CCSER1: variants seen among roughly 807,000 people sequenced by gnomAD.
CCSER1 encodes the protein serine-rich coiled-coil domain-containing protein 1.
Under a neutral mutation model 82.0 loss-of-function variants are expected in CCSER1, and 41 were observed. That is an observed-to-expected ratio of 0.50 (90% CI 0.39 to 0.65). CCSER1 has a LOEUF of 0.65. CCSER1 is among the 30% of genes least tolerant of loss of function. The pLI is 0.00. For missense variants in CCSER1, 1,119 were observed against 1,064.2 expected, an observed-to-expected ratio of 1.05 and a Z score of -0.72; for synonymous variants, 414 against 383.9, an observed-to-expected ratio of 1.08 and a Z score of -0.92.
At chr4:90,592,149 G>T (rs1396163468) in intron 5 of CCSER1, among the ~76,000 whole-genome samples, 1 of 151,988 alleles carries the variant, frequency 6.6e-6, no homozygotes, top group Non-Finnish European at 1.5e-5. Context: ...ATGTATGGCT[G>T]CATAAAAAAC....
chr4:91,348,368 G>A lies in CCSER1; in HGVS notation c.2218-250204G>A, dbSNP rs1217971267. On this transcript the variant is annotated intron_variant, in intron 10 of 10. Coordinates refer to ENST00000509176, the MANE Select transcript of CCSER1 (RefSeq NM_001145065.2). ...TGTATAATTCTTTATATACATTGTT[G>A]GATTTAATGTGCTTTCTTTTAGGAT... Among the ~76,000 whole-genome samples, 4 of 152,050 alleles carry A rather than the reference G, an allele frequency of 2.6e-5. No homozygotes were observed. The East Asian group carries it at 7.7e-4, about 29-fold the overall frequency.
chr4:91,255,575 A>G (rs952400787), intron 10 of CCSER1, among the ~76,000 whole-genome samples: 2 of 152,324 alleles, frequency 1.3e-5, no homozygotes, highest in East Asian at 1.9e-4. Context: ...TATTAGAACA[A>G]TACTACACCA....
At chr4:90,878,699 C>T (rs943498163) in intron 8 of CCSER1, among the ~76,000 whole-genome samples, 2 of 152,174 alleles carry the variant, frequency 1.3e-5, no homozygotes, top group African/African-American at 4.8e-5. Flanking sequence ...AATCTTTCCT[C>T]AATGGAGATG....
intron 4 of CCSER1, among the ~76,000 whole-genome samples, chr4:90,448,330 T>C (rs1342645439): frequency 6.6e-6 from 1 of 151,194 alleles, no homozygotes; most frequent in African/African-American, 2.4e-5. Context: ...GTACTTGCTA[T>C]AGCAAAACTG....
At chr4:91,337,092 C>T (rs1212164189) in intron 10 of CCSER1, among the ~76,000 whole-genome samples, 1 of 151,966 alleles carries the variant, frequency 6.6e-6, no homozygotes, top group Non-Finnish European at 1.5e-5. Flanking sequence ...TTAGTTTATC[C>T]AACAGCTGCT....
chr4:91,466,312 G>A (rs1209735906), intron 10 of CCSER1, among the ~76,000 whole-genome samples: 2 of 152,120 alleles, frequency 1.3e-5, no homozygotes, highest in African/African-American at 2.4e-5. Context: ...AGCCCTTCAT[G>A]CTAAAAACTC....
chr4:91,024,304 C>CT (rs1441756537), intron 9 of CCSER1, among the ~76,000 whole-genome samples: 2 of 151,964 alleles, frequency 1.3e-5, no homozygotes, highest in Admixed American at 6.6e-5. Context: ...TAATAAAATC[C>CT]TTTTATGTCT....
At chr4:91,473,269 G>A (rs1036268891) in intron 10 of CCSER1, among the ~76,000 whole-genome samples, 1 of 152,136 alleles carries the variant, frequency 6.6e-6, no homozygotes, top group Non-Finnish European at 1.5e-5. Flanking sequence ...TTTTCATTGT[G>A]GAAGCTTCTG....
At chr4:91,391,034 T>C (rs1751612678) in intron 10 of CCSER1, among the ~76,000 whole-genome samples, 1 of 152,086 alleles carries the variant, frequency 6.6e-6, no homozygotes, top group Non-Finnish European at 1.5e-5. Flanking sequence ...CTTTTGGCTT[T>C]GTTGATTTTC....
Position 91,441,799 on chromosome 4 carries a change from A to C in CCSER1, c.2218-156773A>C, listed in dbSNP as rs554396131. Among the ~76,000 whole-genome samples, 7 of 152,152 alleles carry C rather than the reference A, an allele frequency of 4.6e-5. No individual in the cohort carries two copies. In the South Asian group the frequency reaches 6.3e-4, roughly 14 times the overall value. ...CTCAGGATACAAAATCAATGTGCAAAAATCACAAGCATTCTTATACACCAA... is the reference window on the plus strand; with the variant it reads ...CTCAGGATACAAAATCAATGTGCAACAATCACAAGCATTCTTATACACCAA... On this transcript the variant is annotated intron_variant, in intron 10 of 10. Transcript: ENST00000509176.
At chr4:90,457,104 C>T (rs529712340) in intron 4 of CCSER1, among the ~76,000 whole-genome samples, 50 of 152,300 alleles carry the variant, frequency 3.3e-4, no homozygotes, top group African/African-American at 1.1e-3. Flanking sequence ...CTGGGGCTGG[C>T]GGGCTGCTCC....
intron 10 of CCSER1, among the ~76,000 whole-genome samples, chr4:91,510,918 A>G (rs1759785035): frequency 1.3e-5 from 2 of 152,278 alleles, no homozygotes; most frequent in South Asian, 2.1e-4. Flanking sequence ...AATTTCCAGA[A>G]TGGTGTGTTC....
At chr4:90,154,917 T>C (rs1241661658) in intron 1 of CCSER1, among the ~76,000 whole-genome samples, 41 of 152,234 alleles carry the variant, frequency 2.7e-4, no homozygotes, top group Admixed American at 2.4e-3. Flanking sequence ...CAACACTATG[T>C]TGAATAGGAG....
At chr4:90,601,006 G>A (rs1246954332) in intron 5 of CCSER1, among the ~76,000 whole-genome samples, 2 of 151,640 alleles carry the variant, frequency 1.3e-5, no homozygotes, top group African/African-American at 4.8e-5. Context: ...TGAATACAAT[G>A]GAGTTTTGAA....
At chr4:91,460,529 G>C (rs1274562902) in intron 10 of CCSER1, among the ~76,000 whole-genome samples, 2 of 152,140 alleles carry the variant, frequency 1.3e-5, no homozygotes, top group African/African-American at 4.8e-5. Flanking sequence ...GTATCTACCA[G>C]CTAGAGTCTA....
At chr4:91,389,750 A>G (rs907182843) in intron 10 of CCSER1, among the ~76,000 whole-genome samples, 16 of 151,918 alleles carry the variant, frequency 1.1e-4, no homozygotes, top group Non-Finnish European at 1.0e-4. Context: ...TCTTTGATCT[A>G]TTTCTCAAAG....
At chr4:90,988,154 A>G (rs1360966735) in intron 9 of CCSER1, among the ~76,000 whole-genome samples, 1 of 151,272 alleles carries the variant, frequency 6.6e-6, no homozygotes, top group East Asian at 2.0e-4. Context: ...CCATCTCTAC[A>G]AAAACTAAAA....
At chr4:90,150,050 G>A (rs1459822555) in intron 1 of CCSER1, among the ~76,000 whole-genome samples, 1 of 152,100 alleles carries the variant, frequency 6.6e-6, no homozygotes, top group East Asian at 1.9e-4. Flanking sequence ...GCAATAAGTA[G>A]GGTTGGCCCT....
chr4:90,739,284 G>A (rs1157309036), intron 7 of CCSER1, among the ~76,000 whole-genome samples: 2 of 152,308 alleles, frequency 1.3e-5, no homozygotes, highest in Middle Eastern at 3.4e-3. Flanking sequence ...CCTGAAAGGG[G>A]GGCCTCAGGT....
Sources: allele counts gnomAD v4.1 joint callset (sites outside exome capture counted in the v4.1 genomes callset), GRCh38; gene constraint gnomAD v4.1.1; transcripts MANE v1.5; gene names NCBI Gene and HGNC (gene_info 2026-07-23, HGNC 2026-07-21).